Variants in ENPP2 observed in about 807,000 individuals in gnomAD.
The protein encoded by ENPP2 is ectonucleotide pyrophosphatase/phosphodiesterase 2.
In ENPP2, 51 loss-of-function variants were observed where a neutral mutation model predicts 120.2. That is an observed-to-expected ratio of 0.42 (90% CI 0.34 to 0.54). The LOEUF is 0.54. Ranked by LOEUF, ENPP2 falls within the 20% of genes least tolerant of loss-of-function variation. ENPP2 has a pLI of 0.04. For missense variants in ENPP2, 920 were observed against 1,066.5 expected (o/e 0.86, Z 1.91); for synonymous variants, 365 against 366.4 (o/e 1.00, Z 0.04).
At chr8:119,563,833 C>T (rs1814167350) in intron 23 of ENPP2, among the ~76,000 whole-genome samples, 1 of 151,824 alleles carries the variant, frequency 6.6e-6, no homozygotes, top group Non-Finnish European at 1.5e-5. Flanking sequence ...TAATTTCTAT[C>T]TTATTTATCT....
intron 8 of ENPP2, among the ~76,000 whole-genome samples, chr8:119,610,920 AT>A (rs1241641173): frequency 9.2e-5 from 14 of 151,352 alleles, no homozygotes; most frequent in South Asian, 6.2e-4. Flanking sequence ...AAAAAAAAAA[AT>A]ACAACTAAAA....
chr8:119,626,005 G>A (rs753861362), intron 3 of ENPP2, among the ~76,000 whole-genome samples: 1 of 152,114 alleles, frequency 6.6e-6, no homozygotes, highest in Non-Finnish European at 1.5e-5. Context: ...TGTACGATAA[G>A]ATGAAGTGAA....
intron 2 of ENPP2, among the ~76,000 whole-genome samples, chr8:119,632,878 T>C (rs1269696566): frequency 6.6e-6 from 1 of 152,194 alleles, no homozygotes; most frequent in Non-Finnish European, 1.5e-5. Context: ...AAGACCAGCC[T>C]GACAAACATG....
intron 19 of ENPP2, among the ~76,000 whole-genome samples, chr8:119,575,225 T>A (rs1812250398): frequency 6.6e-6 from 1 of 152,150 alleles, no homozygotes; most frequent in Admixed American, 6.5e-5. Flanking sequence ...ACAAAATAAT[T>A]CAGCTGCATA....
chr8:119,655,993 A>G (rs1228162665), intron 1 of ENPP2, among the ~76,000 whole-genome samples: 2 of 152,202 alleles, frequency 1.3e-5, no homozygotes, highest in Non-Finnish European at 2.9e-5. Flanking sequence ...TCTTACGGAC[A>G]GTTTCTCATT....
chr8:119,603,974 C>T (rs1375546530), intron 9 of ENPP2, among the ~76,000 whole-genome samples: 1 of 150,434 alleles, frequency 6.6e-6, no homozygotes, highest in Non-Finnish European at 1.5e-5. Flanking sequence ...AACATTTAAC[C>T]TCTCTAGGCC....
At chr8:119,558,651 G>C (rs903125846) in intron 24 of ENPP2, among the ~76,000 whole-genome samples, 1 of 152,120 alleles carries the variant, frequency 6.6e-6, no homozygotes, top group Non-Finnish European at 1.5e-5. Flanking sequence ...GGGAAGTTGA[G>C]GGAAAGAGTG....
intron 2 of ENPP2, among the ~76,000 whole-genome samples, chr8:119,634,101 T>C (rs534631768): frequency 2.6e-5 from 4 of 152,198 alleles, no homozygotes; most frequent in African/African-American, 9.6e-5. Context: ...GAGAATCACT[T>C]GAACCTGGGA....
intron 13 of ENPP2, 42 bp from the exon 14 acceptor site, chr8:119,587,117 C>T (rs757299492): frequency 1.3e-5 from 20 of 1,532,934 alleles, no homozygotes; most frequent in Non-Finnish European, 1.8e-5. Context: ...AAATAACAAC[C>T]ATTACCAAGA....
At chr8:119,560,037 A>C (rs1311570626) in intron 24 of ENPP2, among the ~76,000 whole-genome samples, 1 of 152,202 alleles carries the variant, frequency 6.6e-6, no homozygotes, top group Non-Finnish European at 1.5e-5. Context: ...TATAAAATTT[A>C]GATCGATTAC....
chr8:119,571,515 T>G lies in ENPP2; in HGVS notation c.1781-674A>C, dbSNP rs547417089. 8 of 152,098 alleles carry G rather than the reference T, an allele frequency of 5.3e-5. No individual in the cohort carries two copies. The East Asian group carries it at 1.5e-3, about 29-fold the overall frequency. 9.4% of individuals were successfully genotyped at this position (152,098 alleles called of 1,614,324 possible). On this transcript the variant is annotated intron_variant, in intron 19 of 24. Coordinates refer to ENST00000075322, the MANE Select transcript of ENPP2 (RefSeq NM_001040092.3). ...CAGATTCAGACCTCCAAAGGAAAGC[T>G]CTCTTCTTAGGAAAAAAAAAGGTCT... is the stretch of plus-strand genomic sequence containing the variant.
At chr8:119,637,413 C>A (rs1254084462) in intron 2 of ENPP2, among the ~76,000 whole-genome samples, 1 of 152,082 alleles carries the variant, frequency 6.6e-6, no homozygotes, top group East Asian at 1.9e-4. Context: ...TGGCATGATT[C>A]AAAAGTAACT....
intron 1 of ENPP2, among the ~76,000 whole-genome samples, chr8:119,663,375 G>T (rs1005789267): frequency 6.6e-6 from 1 of 152,130 alleles, no homozygotes; most frequent in African/African-American, 2.4e-5. Context: ...TACAGATAGG[G>T]CTGCCAGGTA....
At chr8:119,607,800 T>C (rs1036714607) in intron 9 of ENPP2, 122 bp downstream of exon 9, 9 of 646,604 alleles carry the variant, frequency 1.4e-5, no homozygotes, top group Non-Finnish European at 2.3e-5. Flanking sequence ...TTTGATTTAG[T>C]AAATATTCAA....
chr8:119,651,013 T>C (rs561693454), intron 1 of ENPP2, among the ~76,000 whole-genome samples: 11 of 150,546 alleles, frequency 7.3e-5, no homozygotes, highest in African/African-American at 2.4e-4. Context: ...TAATGTCAGA[T>C]AGATCAAGGC....
At chr8:119,572,046 G>C in intron 19 of ENPP2, 1 of 672,558 alleles carries the variant, frequency 1.5e-6, no homozygotes, top group South Asian at 2.1e-5. Flanking sequence ...CCACCCCTAA[G>C]GATTAGAACA....
chr8:119,584,468 G>T (rs938606351), intron 15 of ENPP2, among the ~76,000 whole-genome samples: 2 of 152,026 alleles, frequency 1.3e-5, no homozygotes, highest in Non-Finnish European at 2.9e-5. Flanking sequence ...AAAAAAATGT[G>T]ATGTCTCACC....
intron 22 of ENPP2, among the ~76,000 whole-genome samples, chr8:119,566,892 T>C (rs1814496306): frequency 6.6e-6 from 1 of 152,218 alleles, no homozygotes; most frequent in South Asian, 2.1e-4. Context: ...TTTAAAAGCA[T>C]ACTTTAATTT....
intron 2 of ENPP2, among the ~76,000 whole-genome samples, chr8:119,630,072 C>T (rs568737866): frequency 4.4e-4 from 67 of 152,088 alleles, no homozygotes; most frequent in African/African-American, 1.4e-3. Context: ...TGCAACCACG[C>T]GCCTTGCTTT....
Sources: gnomAD v4.1 joint callset for allele counts (sites outside exome capture counted in the v4.1 genomes callset) on GRCh38, gnomAD v4.1.1 for gene constraint, MANE v1.5 for transcripts, NCBI Gene and HGNC (gene_info 2026-07-23, HGNC 2026-07-21) for gene names.